GRM1: variants seen among roughly 807,000 people sequenced by gnomAD.
The protein encoded by GRM1 is metabotropic glutamate receptor 1.
A neutral mutation model predicts 90.9 loss-of-function variants in GRM1; 33 were observed. The observed-to-expected ratio is 0.36, with a 90% confidence interval of 0.28 to 0.49. The LOEUF (loss-of-function observed/expected upper bound fraction) is 0.49. Ranked by LOEUF, GRM1 falls within the 20% of genes least tolerant of loss-of-function variation. The pLI is 0.99. For missense variants in GRM1, 1,190 were observed against 1,534.3 expected (o/e 0.78, Z 3.75); for synonymous variants, 700 against 613.2 (o/e 1.14, Z -2.09).
At chr6:146,332,467 G>C (rs1029358950) in intron 3 of GRM1, among the ~76,000 whole-genome samples, 1 of 152,004 alleles carries the variant, frequency 6.6e-6, no homozygotes, top group Non-Finnish European at 1.5e-5. Flanking sequence ...ATCCCTTTTC[G>C]TGCTTTCCAC....
At chr6:146,371,113 C>G (rs543451081) in intron 5 of GRM1, among the ~76,000 whole-genome samples, 1 of 152,116 alleles carries the variant, frequency 6.6e-6, no homozygotes, top group Non-Finnish European at 1.5e-5. Flanking sequence ...GTGCCAAAAA[C>G]TGTGCTAGCA....
chr6:146,114,627 G>A (rs1775675359), intron 1 of GRM1, among the ~76,000 whole-genome samples: 1 of 152,048 alleles, frequency 6.6e-6, no homozygotes, highest in Non-Finnish European at 1.5e-5. Flanking sequence ...ACTGTTTATT[G>A]TACAATAGTA....
intron 3 of GRM1, among the ~76,000 whole-genome samples, chr6:146,332,836 G>A (rs908503658): frequency 6.6e-6 from 1 of 152,026 alleles, no homozygotes; most frequent in Non-Finnish European, 1.5e-5. Context: ...TGAGCTTGGC[G>A]ACCCTGCCAT....
chr6:146,258,683 C>T (rs1458096371), intron 2 of GRM1, among the ~76,000 whole-genome samples: 2 of 151,986 alleles, frequency 1.3e-5, no homozygotes, highest in Non-Finnish European at 2.9e-5. Context: ...TGGTGCCGGG[C>T]CTTTATTTTA....
At chr6:146,424,005 A>G (rs562735610) in intron 7 of GRM1, among the ~76,000 whole-genome samples, 1 of 152,158 alleles carries the variant, frequency 6.6e-6, no homozygotes, top group South Asian at 2.1e-4. Flanking sequence ...CCATTTTGTG[A>G]CTGCACGTGC....
At chr6:146,293,421 AT>A (rs536974120) in intron 2 of GRM1, among the ~76,000 whole-genome samples, 102 of 152,166 alleles carry the variant, frequency 6.7e-4, no homozygotes, top group African/African-American at 2.1e-3. Flanking sequence ...CCAACCAGGT[AT>A]AAATGCAAAA....
chr6:146,318,927 A>T (rs879444557), intron 3 of GRM1, among the ~76,000 whole-genome samples: 11 of 152,184 alleles, frequency 7.2e-5, no homozygotes, highest in Non-Finnish European at 1.5e-4. Flanking sequence ...GGTTACAAAA[A>T]TGTTCTCCCA....
rs753190249 is a variant in GRM1 at position 146,159,572 on chromosome 6, G to T, written c.925G>T (p.Val309Leu). 1 of 1,613,192 alleles carries T rather than the reference G, an allele frequency of 6.2e-7. No individual in the cohort carries two copies. The highest frequency in any genetic ancestry group is 8.5e-7 in the Non-Finnish European group (1 of 1,179,894). ...GAGCGCCATGCGGCGCCTTGGCGTC[G>T]TGGGCGAGTTCTCACTCATTGGAAG... ...LLSAMRRLGV[V>L]GEFSLIGSDG... The change falls in exon 2 of 8, where the codon GTG (valine) becomes TTG (leucine). Residue 309 changes from valine to leucine, a missense_variant. By Grantham distance (32) the Val-to-Leu change is conservative (BLOSUM62 1). Coordinates refer to ENST00000282753, the MANE Select transcript of GRM1 (RefSeq NM_001278064.2).
Position 146,029,623 on chromosome 6 carries a change from C to T in GRM1, c.106C>T (p.Arg36Cys), listed in dbSNP as rs1790639053. Residue 36 changes from arginine to cysteine, a missense_variant, in exon 1 of 8, where the codon CGC becomes TGC. Arg to Cys is a radical substitution (Grantham distance 180, BLOSUM62 -3). Transcript: ENST00000282753. ...GTTGCTGGCAGGAGCGTCGTCTCAG[C>T]GCTCGGTGGCCAGAATGGACGGAGA... The part of the protein sequence containing the change: ...KVLLAGASSQ[R>C]SVARMDGDVI... 6.2e-7 allele frequency: 1 copy of T among 1,613,926 alleles called. No homozygotes were observed. The highest frequency in any genetic ancestry group is 8.5e-7 in the Non-Finnish European group (1 of 1,179,960).
chr6:146,337,613 C>A (rs1784819939), intron 3 of GRM1, among the ~76,000 whole-genome samples: 1 of 152,124 alleles, frequency 6.6e-6, no homozygotes, highest in Non-Finnish European at 1.5e-5. Flanking sequence ...GGCAGAAATT[C>A]AAAAAGCGCT....
rs565117618 is a variant in GRM1, at chr6:146,329,718, C to G, written c.1187-22532C>G. On this transcript the variant is annotated intron_variant, in intron 3 of 7. Transcript: ENST00000282753. ...CAAAAATGTGTTGAATACACCTAAC[C>G]TGCCAAACATCATAGCTTCATAGCT... Among the ~76,000 whole-genome samples, 76 of 152,262 alleles carry G rather than the reference C, an allele frequency of 5.0e-4. 3 individuals carry two copies. In the South Asian group the frequency reaches 0.016, roughly 31 times the overall value.
At chr6:146,324,738 C>T (rs1562609975) in intron 3 of GRM1, among the ~76,000 whole-genome samples, 1 of 152,102 alleles carries the variant, frequency 6.6e-6, no homozygotes, top group Admixed American at 6.5e-5. Context: ...TTCAACTCAC[C>T]CCCCGTGGGC....
At chr6:146,328,199 G>A (rs1349243917) in intron 3 of GRM1, among the ~76,000 whole-genome samples, 3 of 152,118 alleles carry the variant, frequency 2.0e-5, no homozygotes, top group Admixed American at 2.0e-4. Flanking sequence ...CATTTATATT[G>A]TTCTCTAGAT....
chr6:146,153,494 G>A (rs1288026158), intron 1 of GRM1, among the ~76,000 whole-genome samples: 1 of 152,130 alleles, frequency 6.6e-6, no homozygotes, highest in Admixed American at 6.5e-5. Context: ...AGCCTTTTAG[G>A]TATCATGAGA....
At chr6:146,320,885 GTCTA>G (rs1298215302) in intron 3 of GRM1, among the ~76,000 whole-genome samples, 2 of 151,822 alleles carry the variant, frequency 1.3e-5, no homozygotes, top group African/African-American at 2.4e-5. Flanking sequence ...CTGGCTAGCA[GTCTA>G]TCTATTTGGT....
intron 5 of GRM1, among the ~76,000 whole-genome samples, chr6:146,359,468 G>A (rs143407425): frequency 3.3e-5 from 5 of 152,182 alleles, no homozygotes; most frequent in Admixed American, 3.3e-4. Flanking sequence ...CTATTGTGCA[G>A]ACAATTACTG....
chr6:146,388,243 C>T (rs1307955517), intron 6 of GRM1, among the ~76,000 whole-genome samples: 1 of 151,900 alleles, frequency 6.6e-6, no homozygotes. Flanking sequence ...GAGCTGAGGC[C>T]TAGAGACGTG....
At chr6:146,201,304 T>C (rs1053376666) in intron 2 of GRM1, among the ~76,000 whole-genome samples, 1 of 152,216 alleles carries the variant, frequency 6.6e-6, no homozygotes, top group Non-Finnish European at 1.5e-5. Flanking sequence ...CAAAGGTCTA[T>C]ATAATAGATT....
At chr6:146,239,994 A>G (rs1780794148) in intron 2 of GRM1, among the ~76,000 whole-genome samples, 1 of 152,072 alleles carries the variant, frequency 6.6e-6, no homozygotes, top group South Asian at 2.1e-4. Context: ...GACTGTAGCC[A>G]TCTGTTCCTC....
Sources: allele counts gnomAD v4.1 joint callset (sites outside exome capture counted in the v4.1 genomes callset), GRCh38; gene constraint gnomAD v4.1.1; transcripts MANE v1.5; gene names NCBI Gene and HGNC (gene_info 2026-07-23, HGNC 2026-07-21).